Variants in RANBP2 observed in about 807,000 individuals in gnomAD.
The protein encoded by RANBP2 is RAN binding protein 2.
In RANBP2, 57 loss-of-function variants were observed where a neutral mutation model predicts 303.6. The ratio of observed to expected loss-of-function variants is 0.19; its 90% CI spans 0.15 to 0.23. The LOEUF is 0.23. Ranked by LOEUF, RANBP2 falls within the 10% of genes least tolerant of loss-of-function variation. RANBP2 has a pLI of 1.00. For missense variants in RANBP2, 3,138 were observed against 3,780.8 expected (o/e 0.83, Z 4.46); for synonymous variants, 1,167 against 1,301.5 (o/e 0.90, Z 2.23).
chr2:109,440,899 G>A, the RANBP2 span, among the ~76,000 whole-genome samples: 1 of 152,126 alleles, frequency 6.6e-6, no homozygotes, highest in South Asian at 2.1e-4. Context: ...TGCTAACAGT[G>A]CCCAGAATAC....
chr2:108,933,245 CTG>C, the RANBP2 span, among the ~76,000 whole-genome samples: 5 of 152,166 alleles, frequency 3.3e-5, no homozygotes, highest in African/African-American at 1.2e-4. Context: ...TTGGCAGTAA[CTG>C]AAATCGGGTG....
At chr2:109,167,439 T>A in the RANBP2 span, among the ~76,000 whole-genome samples, 1 of 152,208 alleles carries the variant, frequency 6.6e-6, no homozygotes, top group Admixed American at 6.5e-5. Context: ...CAAGGGGTGA[T>A]GATTGGTAGA....
the RANBP2 span, among the ~76,000 whole-genome samples, chr2:109,303,621 G>A: frequency 1.3e-5 from 2 of 152,346 alleles, no homozygotes; most frequent in African/African-American, 4.8e-5. Flanking sequence ...GCGAGACAAA[G>A]TCAGGGAGGC....
chr2:109,496,009 G>A, the RANBP2 span, among the ~76,000 whole-genome samples: 177 of 152,284 alleles, frequency 1.2e-3, no homozygotes, highest in African/African-American at 3.9e-3. Context: ...AGACCTTCGC[G>A]GTGAAGAGCA....
the RANBP2 span, among the ~76,000 whole-genome samples, chr2:109,290,379 T>C: frequency 6.6e-6 from 1 of 152,226 alleles, no homozygotes; most frequent in Non-Finnish European, 1.5e-5. Flanking sequence ...CAGGGATGAA[T>C]GTACCATAAA....
At chr2:109,095,431 T>C in the RANBP2 span, among the ~76,000 whole-genome samples, 1 of 152,212 alleles carries the variant, frequency 6.6e-6, no homozygotes, top group Non-Finnish European at 1.5e-5. Flanking sequence ...GAATGTAATT[T>C]TGTCTAATTC....
the RANBP2 span, among the ~76,000 whole-genome samples, chr2:109,541,429 A>C: frequency 6.6e-6 from 1 of 152,130 alleles, no homozygotes; most frequent in East Asian, 1.9e-4. Flanking sequence ...AGTCTATTGT[A>C]TCTCTAAAGG....
chr2:109,292,064 C>T, the RANBP2 span, among the ~76,000 whole-genome samples: 3 of 152,138 alleles, frequency 2.0e-5, no homozygotes, highest in Non-Finnish European at 4.4e-5. Flanking sequence ...GAGGTTTCAC[C>T]GTGTTAGCCA....
chr2:109,195,264 A>AG, the RANBP2 span, among the ~76,000 whole-genome samples: 6 of 152,216 alleles, frequency 3.9e-5, no homozygotes, highest in East Asian at 1.2e-3. Flanking sequence ...CCATGGGAAC[A>AG]GGGAGCTAAC....
chr2:108,827,259 A>T, the RANBP2 span, among the ~76,000 whole-genome samples: 2 of 152,234 alleles, frequency 1.3e-5, no homozygotes, highest in Non-Finnish European at 2.9e-5. Context: ...TGATTTCAGT[A>T]AAGTATCCAG....
the RANBP2 span, among the ~76,000 whole-genome samples, chr2:108,924,178 G>A: frequency 6.6e-6 from 1 of 152,364 alleles, no homozygotes; most frequent in Middle Eastern, 3.4e-3. Context: ...TCAGCTCCCA[G>A]TGATGTTCCA....
At chr2:109,672,249 A>G in the RANBP2 span, among the ~76,000 whole-genome samples, 3 of 152,264 alleles carry the variant, frequency 2.0e-5, no homozygotes, top group African/African-American at 2.4e-5. Flanking sequence ...TGAAGCATCA[A>G]ATAAAATATT....
At chr2:109,210,277 C>T in the RANBP2 span, among the ~76,000 whole-genome samples, 1 of 152,234 alleles carries the variant, frequency 6.6e-6, no homozygotes, top group Admixed American at 6.5e-5. Context: ...GGTGTACAAA[C>T]ATCTGTTTGA....
the RANBP2 span, among the ~76,000 whole-genome samples, chr2:109,027,440 A>G: frequency 2.6e-5 from 4 of 152,062 alleles, no homozygotes; most frequent in African/African-American, 9.7e-5. Context: ...TTTGAAGACA[A>G]AAGTAACTTT....
the RANBP2 span, among the ~76,000 whole-genome samples, chr2:109,483,436 A>C: frequency 6.6e-6 from 1 of 152,130 alleles, no homozygotes; most frequent in East Asian, 1.9e-4. Flanking sequence ...GCCCAGCAAG[A>C]AAAGGTGCTC....
chr2:109,742,804 G>A, the RANBP2 span, among the ~76,000 whole-genome samples: 4 of 148,060 alleles, frequency 2.7e-5, no homozygotes, highest in Non-Finnish European at 5.9e-5. Context: ...AGAACATAAC[G>A]CTAGAACAAT....
the RANBP2 span, among the ~76,000 whole-genome samples, chr2:109,486,191 A>G: frequency 2.0e-5 from 3 of 152,242 alleles, no homozygotes; most frequent in Non-Finnish European, 4.4e-5. Flanking sequence ...ACCGAGTTGC[A>G]TGACGACCAT....
the RANBP2 span, among the ~76,000 whole-genome samples, chr2:109,513,201 C>T: frequency 1.3e-5 from 2 of 152,134 alleles, no homozygotes; most frequent in African/African-American, 4.8e-5. Flanking sequence ...GCACAGTAGA[C>T]CTGTCTCAGC....
rs1573824189 is a variant in RANBP2, at chr2:108,768,775, A to G, written c.7849+387A>G. On this transcript the variant is annotated intron_variant, in intron 20 of 28. Transcript: ENST00000283195. ...AGGCTGGGCACGGTGGCTCACTCCT[A>G]GAATGCCAGCACTTTGGGAGGTTGA... Among the ~76,000 whole-genome samples the G allele has an allele frequency of 6.6e-5, 10 of 152,254 alleles. No homozygotes were observed. In the South Asian group the frequency reaches 2.1e-3, roughly 32 times the overall value.
Sources: gnomAD v4.1 joint callset for allele counts (sites outside exome capture counted in the v4.1 genomes callset) on GRCh38, gnomAD v4.1.1 for gene constraint, MANE v1.5 for transcripts, NCBI Gene and HGNC (gene_info 2026-07-23, HGNC 2026-07-21) for gene names.